The following TTC6 variants were observed in gnomAD, a reference collection of about 807,000 sequenced individuals.
TTC6 encodes the protein tetratricopeptide repeat domain 6.
In TTC6, 172 loss-of-function variants were observed where a neutral mutation model predicts 210.4. The ratio of observed to expected loss-of-function variants is 0.82; its 90% CI spans 0.72 to 0.93. TTC6 has a LOEUF of 0.93. Among genes scored for constraint, TTC6 ranks in the 40% least tolerant of loss-of-function variants. The probability of loss-of-function intolerance (pLI) is 0.00; values close to 1 mark genes in which losing one functional copy is unlikely to be tolerated. For missense variants in TTC6, 2,414 were observed against 2,318.1 expected, an observed-to-expected ratio of 1.04 and a Z score of -0.85; for synonymous variants, 804 against 819.6, an observed-to-expected ratio of 0.98 and a Z score of 0.32.
At chr14:37,727,839 T>A (rs1200982926) in intron 7 of TTC6, among the ~76,000 whole-genome samples, 3 of 146,636 alleles carry the variant, frequency 2.0e-5, no homozygotes, top group Non-Finnish European at 4.6e-5. Flanking sequence ...TTATTCTTAA[T>A]CCTTATTAGC....
chr14:37,611,078 T>C (rs1225177330), intron 2 of TTC6, among the ~76,000 whole-genome samples: 1 of 152,156 alleles, frequency 6.6e-6, no homozygotes, highest in Admixed American at 6.5e-5. Context: ...GAGGCCTGGG[T>C]TTGGGGTCCA....
At chr14:37,785,645 C>T (rs1371969095) in intron 14 of TTC6, among the ~76,000 whole-genome samples, 2 of 152,156 alleles carry the variant, frequency 1.3e-5, no homozygotes, top group African/African-American at 2.4e-5. Context: ...CATTCCTCAT[C>T]CAGCTTTGTT....
chr14:37,765,094 A>T (rs1196271453), intron 14 of TTC6, among the ~76,000 whole-genome samples: 1 of 151,960 alleles, frequency 6.6e-6, no homozygotes. Context: ...GTCTATAAAA[A>T]TTTTGTGCCT....
intron 2 of TTC6, among the ~76,000 whole-genome samples, chr14:37,682,284 C>A (rs1024942914): frequency 1.3e-5 from 2 of 151,782 alleles, no homozygotes; most frequent in Admixed American, 6.6e-5. Flanking sequence ...GAATTCAGTC[C>A]CATCTGGTTA....
chr14:37,787,336 C>A, intron 14 of TTC6, 132 bp from the exon 17 acceptor site: 1 of 670,360 alleles, frequency 1.5e-6, no homozygotes, highest in Non-Finnish European at 2.3e-6. Flanking sequence ...AACATCATGA[C>A]TAAACTCTCT....
At chr14:37,612,732 A>G (rs968126653) in intron 2 of TTC6, among the ~76,000 whole-genome samples, 1 of 152,148 alleles carries the variant, frequency 6.6e-6, no homozygotes, top group Non-Finnish European at 1.5e-5. Context: ...CCTAAATTTT[A>G]TGTTTTGTGG....
intron 29 of TTC6, among the ~76,000 whole-genome samples, chr14:37,834,545 A>G (rs1287276624): frequency 2.6e-5 from 4 of 152,048 alleles, no homozygotes; most frequent in African/African-American, 4.8e-5. Flanking sequence ...TTCTTATGAT[A>G]TCTATCTTTG....
At chr14:37,657,335 G>A (rs1185651919) in intron 1 of TTC6, among the ~76,000 whole-genome samples, 12 of 144,062 alleles carry the variant, frequency 8.3e-5, no homozygotes, top group Non-Finnish European at 1.8e-4. Flanking sequence ...TGGAAGTTTT[G>A]GAAGCTTTCT....
At chr14:37,771,304 G>T (rs1283040252) in intron 14 of TTC6, among the ~76,000 whole-genome samples, 1 of 151,982 alleles carries the variant, frequency 6.6e-6, no homozygotes. Flanking sequence ...TTCTCAAGGA[G>T]TATCTTTGTG....
chr14:37,615,353 T>C (rs1016251705), intron 2 of TTC6, among the ~76,000 whole-genome samples: 3 of 152,120 alleles, frequency 2.0e-5, no homozygotes, highest in Admixed American at 6.5e-5. Context: ...AGACAGATTC[T>C]CTCTTTGTCA....
intron 14 of TTC6, among the ~76,000 whole-genome samples, chr14:37,754,715 G>T (rs181529708): frequency 5.9e-5 from 9 of 152,122 alleles, no homozygotes; most frequent in Admixed American, 5.9e-4. Context: ...TTACAGGCAT[G>T]AGCCACCATG....
At chr14:37,748,685 A>G (rs1243336671) in intron 10 of TTC6, among the ~76,000 whole-genome samples, 1 of 152,116 alleles carries the variant, frequency 6.6e-6, no homozygotes, top group African/African-American at 2.4e-5. Context: ...CTCGAAAGGC[A>G]CATTGACCTC....
chr14:37,652,817 C>G (rs562738302), intron 1 of TTC6, among the ~76,000 whole-genome samples: 54 of 152,188 alleles, frequency 3.5e-4, no homozygotes, highest in Non-Finnish European at 4.4e-4. Flanking sequence ...CTACCCATGG[C>G]ACATGCACTT....
At chr14:37,624,366 C>T (rs1265755841) in intron 1 of TTC6, among the ~76,000 whole-genome samples, 2 of 152,162 alleles carry the variant, frequency 1.3e-5, no homozygotes, top group Non-Finnish European at 2.9e-5. Flanking sequence ...AGAAAGGCCT[C>T]GGTGCCCCTA....
chr14:37,807,298 T>TTC (rs201519453), intron 22 of TTC6, 22 bp from the exon 25 acceptor site: 59 of 1,465,276 alleles, frequency 4.0e-5, no homozygotes, highest in Middle Eastern at 1.8e-4. Context: ...CATTCCTGCT[T>TTC]TCTCTCTCTC....
chr14:37,602,999 A>G (rs150332985), intron 1 of TTC6, among the ~76,000 whole-genome samples: 306 of 152,280 alleles, frequency 2.0e-3, no homozygotes, highest in African/African-American at 7.1e-3. Context: ...GTTTCAATAA[A>G]TAAAGCCCAG....
At chr14:37,773,198 T>G (rs1307418043) in intron 14 of TTC6, among the ~76,000 whole-genome samples, 2 of 152,214 alleles carry the variant, frequency 1.3e-5, no homozygotes, top group African/African-American at 4.8e-5. Flanking sequence ...TGCAAATACT[T>G]TCTCCCATTC....
intron 14 of TTC6, among the ~76,000 whole-genome samples, chr14:37,779,306 G>C (rs1310251713): frequency 6.6e-6 from 1 of 152,130 alleles, no homozygotes; most frequent in Non-Finnish European, 1.5e-5. Context: ...CAGTCTTTCT[G>C]ATGTCCGTGT....
chr14:37,681,362 A>G (rs1057211484), intron 2 of TTC6, among the ~76,000 whole-genome samples: 1 of 152,228 alleles, frequency 6.6e-6, no homozygotes. Context: ...CATATAAAGT[A>G]TAAGGAAAGA....
Sources: gnomAD v4.1 joint callset for allele counts (sites outside exome capture counted in the v4.1 genomes callset) on GRCh38, gnomAD v4.1.1 for gene constraint, MANE v1.5 for transcripts, NCBI Gene and HGNC (gene_info 2026-07-23, HGNC 2026-07-21) for gene names.